Variants in SPATA6 observed in about 807,000 individuals in gnomAD.
SPATA6 encodes the protein spermatogenesis-associated protein 6.
Under a neutral mutation model 65.3 loss-of-function variants are expected in SPATA6, and 56 were observed. The observed-to-expected ratio is 0.86, with a 90% CI of 0.69 to 1.07. The LOEUF (loss-of-function observed/expected upper bound fraction) is 1.07, where lower values mean the gene tolerates loss of function less well. Ranked by LOEUF, SPATA6 falls within the 50% of genes least tolerant of loss-of-function variation. SPATA6 has a pLI of 0.00. For missense variants in SPATA6, 590 were observed against 594.8 expected, an observed-to-expected ratio of 0.99 and a Z score of 0.08; for synonymous variants, 199 against 213.2, an observed-to-expected ratio of 0.93 and a Z score of 0.58.
intron 11 of SPATA6, among the ~76,000 whole-genome samples, chr1:48,344,827 A>C (rs1646318235): frequency 6.6e-6 from 1 of 152,208 alleles, no homozygotes; most frequent in African/African-American, 2.4e-5. Context: ...AGATCTACCT[A>C]TCCTAAATAC....
At chr1:48,451,445 T>C in intron 3 of SPATA6, 107 bp downstream of exon 3, 2 of 914,940 alleles carry the variant, frequency 2.2e-6, no homozygotes, top group Non-Finnish European at 3.2e-6. Flanking sequence ...ATTTTTAAAG[T>C]TCTACTAACC....
intron 3 of SPATA6, 143 bp downstream of exon 3, chr1:48,451,409 A>C (rs1407239699): frequency 8.8e-6 from 5 of 566,712 alleles, no homozygotes; most frequent in South Asian, 7.4e-5. Flanking sequence ...GAAATTCTAA[A>C]AAGTATTAAA....
chr1:48,309,640 A>C (rs1336188719), intron 11 of SPATA6, among the ~76,000 whole-genome samples: 1 of 152,176 alleles, frequency 6.6e-6, no homozygotes, highest in Non-Finnish European at 1.5e-5. Context: ...AATGTGTAAG[A>C]TCCTCAAGGA....
chr1:48,361,891 AAT>A (rs1465997199), intron 9 of SPATA6, among the ~76,000 whole-genome samples: 1 of 152,186 alleles, frequency 6.6e-6, no homozygotes, highest in African/African-American at 2.4e-5. Context: ...CAGCTGAGAG[AAT>A]CATGCTTTCA....
At chr1:48,281,530 T>C in the SPATA6 span, among the ~76,000 whole-genome samples, 5 of 152,280 alleles carry the variant, frequency 3.3e-5, no homozygotes, top group African/African-American at 9.6e-5. Context: ...AGTATTCTTA[T>C]ACACCAATAA....
Position 48,298,632 on chromosome 1 carries a change from A to C in SPATA6, c.*81T>G, listed in dbSNP as rs1644856242. The C allele has an allele frequency of 7.4e-7, 1 of 1,359,396 alleles. No homozygotes were observed. Among genetic ancestry groups the C allele is most frequent in the Admixed American group, 2.4e-5 (1 of 41,920 alleles). The allele number at this position is 1,359,396 out of a possible 1,614,324, so 84.2% of individuals were successfully genotyped here. A position where few individuals can be genotyped will look rare whatever the true frequency, so the allele number is the denominator to read the frequency against. On this transcript the variant is annotated 3_prime_UTR_variant, in exon 13 of 13. Coordinates refer to ENST00000371847, the MANE Select transcript of SPATA6 (RefSeq NM_019073.4). ...GTTATAATCCCATTTTTTTTAAAAA[A>C]AGGAATACAGATATTGATCACATCA...
At chr1:48,323,862 G>A (rs1261491007) in intron 11 of SPATA6, among the ~76,000 whole-genome samples, 1 of 152,110 alleles carries the variant, frequency 6.6e-6, no homozygotes, top group African/African-American at 2.4e-5. Flanking sequence ...GTAATAAAAA[G>A]TCTCCTAGCA....
At position 48,358,672 on chromosome 1, in the gene SPATA6, GTTA is replaced by G. The variant is rs146919210; in HGVS notation, c.1094+911_1094+913del. ...CCAGTTTTTCTCCTGAATTTTTGAT[GTTA>G]TTGTTGTTGTTTGTGTGTGTGCGCA... On this transcript the variant is annotated intron_variant, in intron 10 of 12. Transcript: ENST00000371847. 1.7e-3 allele frequency among the ~76,000 whole-genome samples: 255 copies of G among 152,218 alleles called. 8 individuals carry two copies. The East Asian group carries it at 0.044, about 26-fold the overall frequency.
chr1:48,430,585 GTATTAC>G (rs1654309004), intron 3 of SPATA6, among the ~76,000 whole-genome samples: 1 of 152,096 alleles, frequency 6.6e-6, no homozygotes, highest in Admixed American at 6.5e-5. Context: ...ATAAAAGCTA[GTATTAC>G]TATAACAATG....
At chr1:48,340,776 TTAAATATAGGGA>T (rs1646194159) in intron 11 of SPATA6, among the ~76,000 whole-genome samples, 1 of 151,886 alleles carries the variant, frequency 6.6e-6, no homozygotes, top group Admixed American at 6.6e-5. Context: ...GAAACATACC[TTAAATATAGGGA>T]TACAAGAAGG....
chr1:48,422,449 C>A (rs1416398514), intron 3 of SPATA6, among the ~76,000 whole-genome samples: 1 of 152,158 alleles, frequency 6.6e-6, no homozygotes, highest in African/African-American at 2.4e-5. Flanking sequence ...AATATGAGTG[C>A]AGGGTCTACC....
intron 3 of SPATA6, among the ~76,000 whole-genome samples, chr1:48,430,932 TTAAATG>T (rs1392115563): frequency 6.6e-6 from 1 of 152,114 alleles, no homozygotes; most frequent in African/African-American, 2.4e-5. Flanking sequence ...AGTAATTACT[TTAAATG>T]TAAATGAATT....
intron 7 of SPATA6, among the ~76,000 whole-genome samples, chr1:48,398,322 A>C (rs181676776): frequency 4.0e-5 from 6 of 151,820 alleles, no homozygotes; most frequent in African/African-American, 1.4e-4. Flanking sequence ...GTCAAAATAC[A>C]GGTGGAATGA....
the SPATA6 span, among the ~76,000 whole-genome samples, chr1:48,274,868 C>G: frequency 6.6e-6 from 1 of 152,208 alleles, no homozygotes; most frequent in East Asian, 1.9e-4. Context: ...TTTTCTAATT[C>G]TGTGAAGAAA....
intron 9 of SPATA6, among the ~76,000 whole-genome samples, chr1:48,365,116 C>T (rs1172557240): frequency 3.9e-5 from 6 of 152,034 alleles, no homozygotes; most frequent in East Asian, 3.9e-4. Context: ...TGTAGATATG[C>T]GTCATTATTT....
chr1:48,365,829 T>C (rs1048035672), intron 9 of SPATA6, among the ~76,000 whole-genome samples: 1 of 152,184 alleles, frequency 6.6e-6, no homozygotes, highest in Admixed American at 6.5e-5. Flanking sequence ...TCCAACACTA[T>C]GTTGAATAGG....
the SPATA6 span, among the ~76,000 whole-genome samples, chr1:48,271,393 A>G: frequency 1.3e-5 from 2 of 152,108 alleles, no homozygotes; most frequent in African/African-American, 2.4e-5. Context: ...CTGAGGAACT[A>G]TTTCTTTCTT....
chr1:48,435,976 T>C (rs1185412746), intron 3 of SPATA6: 40 of 1,601,712 alleles, frequency 2.5e-5, no homozygotes, highest in South Asian at 2.3e-4. Context: ...AATGTCTCTT[T>C]TGGATTGCTT....
intron 1 of SPATA6, among the ~76,000 whole-genome samples, chr1:48,468,802 T>A (rs1443286043): frequency 6.6e-6 from 1 of 152,126 alleles, no homozygotes; most frequent in Admixed American, 6.5e-5. Flanking sequence ...CTTGACTGGA[T>A]CCCGGTTTGA....
Sources: gnomAD v4.1 joint callset for allele counts (sites outside exome capture counted in the v4.1 genomes callset) on GRCh38, gnomAD v4.1.1 for gene constraint, MANE v1.5 for transcripts, NCBI Gene and HGNC (gene_info 2026-07-23, HGNC 2026-07-21) for gene names.